Variants in MFSD11 observed in about 807,000 individuals in gnomAD.
MFSD11 encodes the protein UNC93-like protein MFSD11.
MFSD11 carries 36 observed loss-of-function variants against 53.5 expected under a neutral mutation model. The observed-to-expected ratio is 0.67, with a 90% CI of 0.52 to 0.89. The LOEUF (loss-of-function observed/expected upper bound fraction) is 0.89. Ranked by LOEUF, MFSD11 falls within the 40% of genes least tolerant of loss-of-function variation. MFSD11 has a pLI of 0.00. For synonymous variants in MFSD11, 186 were observed against 184.9 expected (o/e 1.01, Z -0.05); for missense variants, 530 against 543.9 (o/e 0.97, Z 0.25).
the MFSD11 span, among the ~76,000 whole-genome samples, chr17:76,802,578 G>A: frequency 6.6e-6 from 1 of 152,094 alleles, no homozygotes; most frequent in African/African-American, 2.4e-5. Flanking sequence ...TATAAAATGT[G>A]GTTTATCCGT....
At chr17:76,758,673 T>C (rs2079895297) in intron 8 of MFSD11, among the ~76,000 whole-genome samples, 1 of 150,890 alleles carries the variant, frequency 6.6e-6, no homozygotes, top group Admixed American at 6.6e-5. Context: ...AAGGAAAATC[T>C]GGGGAAAATA....
chr17:76,798,067 A>T, the MFSD11 span, among the ~76,000 whole-genome samples: 1 of 151,616 alleles, frequency 6.6e-6, no homozygotes, highest in African/African-American at 2.4e-5. Context: ...AAATAAATTT[A>T]TGTAGAGATG....
intron 9 of MFSD11, among the ~76,000 whole-genome samples, chr17:76,768,340 A>G (rs917972394): frequency 6.6e-6 from 1 of 152,012 alleles, no homozygotes; most frequent in Non-Finnish European, 1.5e-5. Context: ...TTCTAATGAA[A>G]TAGAAGCATG....
At chr17:76,756,863 A>G (rs1222073360) in intron 8 of MFSD11, among the ~76,000 whole-genome samples, 1 of 148,068 alleles carries the variant, frequency 6.8e-6, no homozygotes, top group Admixed American at 6.8e-5. Flanking sequence ...CCATCTCAGA[A>G]AAAAAAAAAA....
chr17:76,737,010 T>A, upstream of MFSD11: 1 of 1,613,418 alleles, frequency 6.2e-7, no homozygotes, highest in South Asian at 1.1e-5. Flanking sequence ...GACTCCTTGG[T>A]GTAGCGGTCC....
At chr17:76,778,104 C>A in intron 12 of MFSD11, 84 bp from the exon 13 acceptor site, 2 of 1,376,862 alleles carry the variant, frequency 1.5e-6, no homozygotes, top group Non-Finnish European at 2.0e-6. Context: ...GTCCTTGGGG[C>A]AGGATAGGAG....
In MFSD11 at chr17:76,767,372, T is replaced by G; in HGVS notation, c.683-14T>G. On this transcript the variant is annotated splice_polypyrimidine_tract_variant and intron_variant, in intron 8 of 12. Transcript: ENST00000685175. ...AAAATCTAATTAAGTACTCTTAAAT[T>G]TTTGTGTTTACAGAAAAGTCTTTTA... 1 of 1,551,740 alleles carries G rather than the reference T, an allele frequency of 6.4e-7. No homozygotes were observed. Among genetic ancestry groups the G allele is most frequent in the Non-Finnish European group, 8.9e-7 (1 of 1,129,490 alleles).
chr17:76,775,019 G>T lies in MFSD11; in HGVS notation c.897G>T (p.Leu299=). 6.2e-7 allele frequency: 1 copy of T among 1,613,976 alleles called. No homozygotes were observed. The highest frequency in any genetic ancestry group is 8.5e-7 in the Non-Finnish European group (1 of 1,179,904). Residue 299 remains leucine (L), a synonymous_variant, in exon 11 of 13, where the codon CTG becomes CTT. Coordinates refer to ENST00000685175, the MANE Select transcript of MFSD11 (RefSeq NM_001242532.5). The part of the protein sequence containing the change: ...EILGGSLFGL[L]SKNNRFGRNP... ...TAGGTGGAAGCCTCTTCGGCCTGCT[G>T]AGCAAGAACAATCGTTTTGGTAGAA...
the MFSD11 span, among the ~76,000 whole-genome samples, chr17:76,801,364 CAAAAAAAAAAAAA>C: frequency 1.4e-5 from 1 of 72,240 alleles, no homozygotes; most frequent in Admixed American, 2.3e-4. Flanking sequence ...GGCTCTGTCT[CAAAAAAAAAAAAA>C]AAAAAAAAAG....
intron 8 of MFSD11, among the ~76,000 whole-genome samples, chr17:76,759,178 T>G (rs2079944842): frequency 6.6e-6 from 1 of 152,158 alleles, no homozygotes; most frequent in Admixed American, 6.5e-5. Context: ...CAGTTGAGCC[T>G]GGGAGATTGA....
rs996418627 is a variant in MFSD11 at position 76,761,101 on chromosome 17, A to C, written c.683-6285A>C. Among the ~76,000 whole-genome samples the C allele has an allele frequency of 1.9e-4, 29 of 152,100 alleles. 1 individual carries two copies. The highest frequency in any genetic ancestry group is 5.3e-4 in the African/African-American group (22 of 41,418). On this transcript the variant is annotated intron_variant, in intron 8 of 12. Coordinates refer to ENST00000685175, the MANE Select transcript of MFSD11 (RefSeq NM_001242532.5). ...GTGCCTGTAATCCCAACTACTCAGG[A>C]GGCTGAGGCGGGAGAATTGCTTGAA...
chr17:76,771,521 A>G (rs761101735), intron 10 of MFSD11, among the ~76,000 whole-genome samples: 1 of 152,224 alleles, frequency 6.6e-6, no homozygotes, highest in Non-Finnish European at 1.5e-5. Context: ...ATTCTTGAGG[A>G]AGAATACAGA....
At chr17:76,791,965 C>A in the MFSD11 span, among the ~76,000 whole-genome samples, 7 of 147,960 alleles carry the variant, frequency 4.7e-5, 1 homozygote, top group Non-Finnish European at 9.0e-5. Flanking sequence ...GTGCAGGGCA[C>A]TCACGTCTAT....
At chr17:76,791,162 G>T in the MFSD11 span, among the ~76,000 whole-genome samples, 2 of 148,460 alleles carry the variant, frequency 1.3e-5, 1 homozygote, top group Non-Finnish European at 3.0e-5. Context: ...TTTCTGAGCT[G>T]CTATTAAATC....
the MFSD11 span, among the ~76,000 whole-genome samples, chr17:76,794,935 C>G: frequency 8.3e-4 from 126 of 151,214 alleles, no homozygotes; most frequent in South Asian, 0.014. Context: ...ACCTCGTGAT[C>G]CACCTGCCTC....
At position 76,741,083 on chromosome 17, in the gene MFSD11, C is replaced by G. The variant is rs539609082; in HGVS notation, c.260+19C>G. On this transcript the variant is annotated intron_variant, in intron 3 of 12. Transcript: ENST00000685175. ...TTTACAGGTAAGTAGTGTAATCTTG[C>G]ACTTATTTAATCAGAACACTTGTCA... 12 of 1,377,192 alleles carry G rather than the reference C, an allele frequency of 8.7e-6. No homozygotes were observed. The highest frequency in any genetic ancestry group is 5.7e-5 in the African/African-American group (4 of 70,126). 85.3% of individuals were successfully genotyped at this position (1,377,192 alleles called of 1,614,324 possible). A position where few individuals can be genotyped will look rare whatever the true frequency, so the allele number is the denominator to read the frequency against.
At position 76,769,794 on chromosome 17, in the gene MFSD11, C is replaced by G. The variant is rs1421572502; in HGVS notation, c.797C>G (p.Ala266Gly). Reference sequence around the variant, plus strand: ...GGTGTATATGGAACCTGTATTGGTGCTACAAATAAATTTGGAGCAGAAGAG... The same window carrying G: ...GGTGTATATGGAACCTGTATTGGTGGTACAAATAAATTTGGAGCAGAAGAG... ...FSGVYGTCIG[A>G]TNKFGAEEKS... is the part of the protein sequence containing the mutation. The change falls in exon 10 of 13, where the codon GCT becomes GGT. Residue 266 changes from alanine (A) to glycine (G), a missense_variant. Transcript: ENST00000685175. 1 of 1,611,718 alleles carries G rather than the reference C, an allele frequency of 6.2e-7. No individual in the cohort carries two copies. Among genetic ancestry groups the G allele is most frequent in the Non-Finnish European group, 8.5e-7 (1 of 1,178,778 alleles).
chr17:76,738,725 G>A (rs1397969466), intron 1 of MFSD11, among the ~76,000 whole-genome samples: 2 of 152,106 alleles, frequency 1.3e-5, no homozygotes, highest in African/African-American at 4.8e-5. Context: ...CTTAGTACTT[G>A]GATGGTTACA....
At chr17:76,766,459 TA>T (rs1044000765) in intron 8 of MFSD11, among the ~76,000 whole-genome samples, 28 of 149,540 alleles carry the variant, frequency 1.9e-4, no homozygotes, top group Non-Finnish European at 2.5e-4. Context: ...AATAAATAAA[TA>T]AAATAAAATG....
Sources: gnomAD v4.1 joint callset for allele counts (sites outside exome capture counted in the v4.1 genomes callset) on GRCh38, gnomAD v4.1.1 for gene constraint, MANE v1.5 for transcripts, NCBI Gene and HGNC (gene_info 2026-07-23, HGNC 2026-07-21) for gene names.